The following LRP1B variants were observed in gnomAD, a reference collection of about 807,000 sequenced individuals.
The protein encoded by LRP1B is low-density lipoprotein receptor-related protein 1B.
A neutral mutation model predicts 556.6 loss-of-function variants in LRP1B; 217 were observed. The ratio of observed to expected loss-of-function variants is 0.39; its 90% CI spans 0.35 to 0.44. The LOEUF (loss-of-function observed/expected upper bound fraction) is 0.44. Among genes scored for constraint, LRP1B ranks in the 20% least tolerant of loss-of-function variants. LRP1B has a pLI of 1.00. For synonymous variants in LRP1B, 2,047 were observed against 1,865.8 expected (o/e 1.10, Z -2.50); for missense variants, 5,053 against 5,620.8 (o/e 0.90, Z 3.23).
chr2:141,484,161 A>G (rs1233105250), intron 2 of LRP1B, among the ~76,000 whole-genome samples: 2 of 148,292 alleles, frequency 1.3e-5, no homozygotes, highest in African/African-American at 4.9e-5. Context: ...TAAGGGATCC[A>G]GTTTCAGCTT....
intron 30 of LRP1B, 96 bp downstream of exon 30, chr2:140,840,822 A>G (rs1402884617): frequency 3.4e-6 from 3 of 889,114 alleles, no homozygotes; most frequent in Non-Finnish European, 3.4e-6. Flanking sequence ...TGGCTGTTAT[A>G]TATATATCCT....
At chr2:142,018,280 C>T (rs1703217993) in intron 1 of LRP1B, among the ~76,000 whole-genome samples, 1 of 152,024 alleles carries the variant, frequency 6.6e-6, no homozygotes, top group African/African-American at 2.4e-5. Context: ...CTGGAATGGC[C>T]ATGCCATTTT....
intron 84 of LRP1B, among the ~76,000 whole-genome samples, chr2:140,275,292 G>C (rs534283705): frequency 6.6e-6 from 1 of 151,982 alleles, no homozygotes; most frequent in Non-Finnish European, 1.5e-5. Context: ...GTAGAAGCTC[G>C]GCAGTTGCCT....
intron 41 of LRP1B, among the ~76,000 whole-genome samples, chr2:140,623,466 A>G (rs1394778770): frequency 6.6e-6 from 1 of 152,194 alleles, no homozygotes; most frequent in Non-Finnish European, 1.5e-5. Flanking sequence ...AATTATATCA[A>G]AAGGCATTAT....
At chr2:141,638,284 C>G (rs1689174104) in intron 2 of LRP1B, among the ~76,000 whole-genome samples, 1 of 152,160 alleles carries the variant, frequency 6.6e-6, no homozygotes, top group African/African-American at 2.4e-5. Flanking sequence ...TGCCTTCCAT[C>G]ATGATTGGAA....
intron 84 of LRP1B, among the ~76,000 whole-genome samples, chr2:140,284,308 CAAA>C (rs61266504): frequency 9.6e-5 from 13 of 135,254 alleles, no homozygotes; most frequent in South Asian, 2.5e-4. Flanking sequence ...CCCTCCCCCC[CAAA>C]AAAAAACCGT....
At position 140,923,124 on chromosome 2, in the gene LRP1B, T is replaced by C. The variant is rs1450826657; in HGVS notation, c.3160A>G (p.Asn1054Asp). The change falls in exon 21 of 91, where the codon AAC (asparagine) becomes GAC (aspartate). Residue 1054 changes from asparagine (N) to aspartate (D), a missense_variant. Asn to Asp is a conservative substitution (Grantham distance 23, BLOSUM62 1). This residue lies in a region of LRP1B where 3,619 missense variants were observed against 3,931.9 expected (regional missense o/e 0.92). Transcript: ENST00000389484. ...GGGTGGCACTGAAATTCATTTCCGT[T>C]ACAACCAGCAGGAGAATGAATCTCT... Reference protein sequence around the residue: ...KEEIHSPAGCNGNEFQCHPDG... With the variant: ...KEEIHSPAGCDGNEFQCHPDG... The C allele has an allele frequency of 6.2e-7, 1 of 1,612,264 alleles. No homozygotes were observed. The highest frequency in any genetic ancestry group is 8.5e-7 in the Non-Finnish European group (1 of 1,178,958).
chr2:140,822,060 A>G (rs1691348779), intron 31 of LRP1B, among the ~76,000 whole-genome samples: 1 of 152,160 alleles, frequency 6.6e-6, no homozygotes, highest in Non-Finnish European at 1.5e-5. Flanking sequence ...TATATAGTAC[A>G]CAAGATTCCT....
At chr2:141,639,608 C>T (rs1689256883) in intron 2 of LRP1B, among the ~76,000 whole-genome samples, 2 of 150,936 alleles carry the variant, frequency 1.3e-5, no homozygotes, top group South Asian at 4.2e-4. Flanking sequence ...ATCTATTTTT[C>T]CTTTTTAAAT....
At chr2:141,447,182 CT>C (rs1048168642) in intron 3 of LRP1B, among the ~76,000 whole-genome samples, 34 of 151,660 alleles carry the variant, frequency 2.2e-4, no homozygotes, top group African/African-American at 7.3e-4. Flanking sequence ...CTCTGATATC[CT>C]TTCTTCTGCT....
intron 56 of LRP1B, 140 bp from the exon 57 acceptor site, chr2:140,492,833 C>CCTG: frequency 3.3e-6 from 2 of 610,042 alleles, no homozygotes; most frequent in South Asian, 2.1e-5. Flanking sequence ...AAGGATCATA[C>CCTG]TGAGCAACGT....
At chr2:141,852,830 G>A (rs1460396383) in intron 1 of LRP1B, among the ~76,000 whole-genome samples, 1 of 150,386 alleles carries the variant, frequency 6.6e-6, no homozygotes, top group Non-Finnish European at 1.5e-5. Flanking sequence ...AATGCCAAAA[G>A]AAAACCAGTA....
chr2:140,471,358 A>G lies in LRP1B; in HGVS notation c.9625+3780T>C, dbSNP rs117257089. On this transcript the variant is annotated intron_variant, in intron 60 of 90. Transcript: ENST00000389484. ...AAATTAACGCATCTCCCACCAAAAT[A>G]GAGCATCATAACATAGAGATTCTGA... Among the ~76,000 whole-genome samples the G allele has an allele frequency of 3.9e-5, 6 of 152,330 alleles. No individual in the cohort carries two copies. In the East Asian group the frequency reaches 1.2e-3, roughly 29 times the overall value.
chr2:140,251,353 A>G (rs965319477), intron 86 of LRP1B, among the ~76,000 whole-genome samples: 2 of 151,888 alleles, frequency 1.3e-5, no homozygotes, highest in Non-Finnish European at 2.9e-5. Flanking sequence ...GATATAAAAA[A>G]CTGAAGGTAT....
chr2:140,602,353 C>A (rs1682705844), intron 41 of LRP1B, among the ~76,000 whole-genome samples: 2 of 151,960 alleles, frequency 1.3e-5, no homozygotes, highest in Admixed American at 6.6e-5. Flanking sequence ...AAATTGTATT[C>A]CCAATCTCTA....
At chr2:141,328,711 A>G (rs1168904749) in intron 3 of LRP1B, among the ~76,000 whole-genome samples, 11 of 152,334 alleles carry the variant, frequency 7.2e-5, no homozygotes, top group Admixed American at 6.5e-4. Flanking sequence ...GAGCATACAC[A>G]GTGCAAATGG....
chr2:140,859,403 AC>A (rs945572046), intron 27 of LRP1B, among the ~76,000 whole-genome samples: 3 of 152,208 alleles, frequency 2.0e-5, no homozygotes, highest in South Asian at 2.1e-4. Context: ...TTAAAATATA[AC>A]ATTTTTTATT....
rs566712428 is a variant in LRP1B, at chr2:141,331,010, G to T, written c.344-76369C>A. On this transcript the variant is annotated intron_variant, in intron 3 of 90. Transcript: ENST00000389484. ...CCTGACCTCGTGATCCGTCCGCCTC[G>T]GCCTCCCAAAGTGCTGGGATTACAG... Among the ~76,000 whole-genome samples, 178 of 152,142 alleles carry T rather than the reference G, an allele frequency of 1.2e-3. 1 individual carries two copies. The highest frequency in any genetic ancestry group is 3.8e-3 in the African/African-American group (159 of 41,542).
chr2:141,503,395 C>T lies in LRP1B; in HGVS notation c.206-22862G>A, dbSNP rs543264022. Among the ~76,000 whole-genome samples, 19 of 151,666 alleles carry T rather than the reference C, an allele frequency of 1.3e-4. No individual in the cohort carries two copies. In the South Asian group the frequency reaches 4.0e-3, roughly 32 times the overall value. On this transcript the variant is annotated intron_variant, in intron 2 of 90. Coordinates refer to ENST00000389484, the MANE Select transcript of LRP1B (RefSeq NM_018557.3). ...CTTCTGATATTCCACTTATTTCCAACAGTTTCCAACCGTTGGTGATATAAG... is the reference window on the plus strand; with the variant it reads ...CTTCTGATATTCCACTTATTTCCAATAGTTTCCAACCGTTGGTGATATAAG...
Sources: gnomAD v4.1 joint callset for allele counts (sites outside exome capture counted in the v4.1 genomes callset) on GRCh38, gnomAD v4.1.1 for gene constraint, gnomAD v4.1.1 regional missense constraint, MANE v1.5 for transcripts, NCBI Gene and HGNC (gene_info 2026-07-23, HGNC 2026-07-21) for gene names.